Variants in ADAM2 observed in about 807,000 individuals in gnomAD.
The protein encoded by ADAM2 is disintegrin and metalloproteinase domain-containing protein 2.
Under a neutral mutation model 99.3 loss-of-function variants are expected in ADAM2, and 101 were observed. That is an observed-to-expected ratio of 1.02 (90% CI 0.87 to 1.20). The LOEUF (loss-of-function observed/expected upper bound fraction) is 1.20, where lower values mean the gene tolerates loss of function less well. ADAM2 is among the 50% of genes most tolerant of loss of function. ADAM2 has a pLI of 0.00. For synonymous variants in ADAM2, 323 were observed against 287.6 expected, an observed-to-expected ratio of 1.12 and a Z score of -1.25; for missense variants, 948 against 878.7, an observed-to-expected ratio of 1.08 and a Z score of -1.00.
intron 3 of ADAM2, among the ~76,000 whole-genome samples, chr8:39,826,734 C>A (rs552077159): frequency 2.7e-5 from 4 of 150,216 alleles, no homozygotes; most frequent in South Asian, 2.1e-4. Context: ...ACAAAAAAAC[C>A]AAAAAAAACT....
chr8:39,817,632 T>G (rs927819481), intron 6 of ADAM2, among the ~76,000 whole-genome samples: 6 of 152,104 alleles, frequency 3.9e-5, no homozygotes, highest in Non-Finnish European at 1.5e-5. Flanking sequence ...CAGTTAAACA[T>G]AAAATTGTCA....
At chr8:39,804,828 A>G (rs1242661367) in intron 7 of ADAM2, among the ~76,000 whole-genome samples, 2 of 152,170 alleles carry the variant, frequency 1.3e-5, no homozygotes, top group Admixed American at 1.3e-4. Context: ...GGTAAAGTGC[A>G]TAGCTTTACA....
At chr8:39,783,471 T>C (rs1803318700) in intron 10 of ADAM2, among the ~76,000 whole-genome samples, 1 of 152,144 alleles carries the variant, frequency 6.6e-6, no homozygotes, top group Non-Finnish European at 1.5e-5. Flanking sequence ...TATCTTCCCC[T>C]TCATCATAAT....
At chr8:39,811,332 G>A (rs1488731424) in intron 6 of ADAM2, among the ~76,000 whole-genome samples, 1 of 152,182 alleles carries the variant, frequency 6.6e-6, no homozygotes, top group Admixed American at 6.5e-5. Context: ...ATTCACAGCT[G>A]AATTCTACCA....
intron 14 of ADAM2, among the ~76,000 whole-genome samples, chr8:39,766,087 C>G (rs1222540648): frequency 1.3e-5 from 2 of 152,112 alleles, no homozygotes; most frequent in African/African-American, 4.8e-5. Flanking sequence ...ACTTCAGAGT[C>G]CCTGGATTTT....
intron 3 of ADAM2, among the ~76,000 whole-genome samples, chr8:39,826,700 G>A (rs1563383743): frequency 6.6e-6 from 1 of 150,692 alleles, no homozygotes; most frequent in Non-Finnish European, 1.5e-5. Context: ...TCCAGCCTTG[G>A]CTACAGAGCG....
chr8:39,795,871 GTACCATAA>G, intron 7 of ADAM2, among the ~76,000 whole-genome samples: 1 of 152,046 alleles, frequency 6.6e-6, no homozygotes, highest in Non-Finnish European at 1.5e-5. Context: ...ATGAAAAATT[GTACCATAA>G]AGAAACATGT....
chr8:39,787,151 T>G, intron 9 of ADAM2, 96 bp from the exon 10 acceptor site: 1 of 671,194 alleles, frequency 1.5e-6, no homozygotes, highest in Non-Finnish European at 2.4e-6. Context: ...TCATTAATAT[T>G]TACATCTAAC....
At chr8:39,782,755 C>CT (rs1016366251) in intron 10 of ADAM2, among the ~76,000 whole-genome samples, 5 of 151,816 alleles carry the variant, frequency 3.3e-5, no homozygotes, top group African/African-American at 9.7e-5. Flanking sequence ...GTTTTTTCAG[C>CT]TTTTTTTGAA....
chr8:39,802,950 G>A (rs977753091), intron 7 of ADAM2, among the ~76,000 whole-genome samples: 1 of 152,102 alleles, frequency 6.6e-6, no homozygotes, highest in Non-Finnish European at 1.5e-5. Flanking sequence ...CAATTATTGG[G>A]TACAATTTTG....
intron 12 of ADAM2, among the ~76,000 whole-genome samples, chr8:39,767,891 T>C (rs202011): frequency 0.023 from 2,703 of 116,184 alleles, 80 homozygotes; most frequent in African/African-American, 0.097. Flanking sequence ...TAAAAGACAA[T>C]GCATTCACAC....
intron 7 of ADAM2, among the ~76,000 whole-genome samples, chr8:39,797,370 GTT>G (rs948109417): frequency 1.5e-4 from 23 of 151,982 alleles, no homozygotes; most frequent in Non-Finnish European, 2.9e-4. Context: ...GATGTGTAGA[GTT>G]ATTTATGAGG....
chr8:39,820,155 C>T (rs1805116924), intron 6 of ADAM2, among the ~76,000 whole-genome samples: 1 of 152,058 alleles, frequency 6.6e-6, no homozygotes, highest in Middle Eastern at 3.2e-3. Context: ...GTCAAACTAG[C>T]AAATATAATG....
intron 7 of ADAM2, among the ~76,000 whole-genome samples, chr8:39,790,029 C>T (rs1341710351): frequency 1.3e-5 from 2 of 151,786 alleles, no homozygotes; most frequent in African/African-American, 4.8e-5. Flanking sequence ...ATTCAAAAGA[C>T]ACACATTAAC....
At position 39,744,907 on chromosome 8, in the gene ADAM2, A is replaced by G. The variant is rs949688462; in HGVS notation, c.2175-14T>C. ...CTTTCAGGTTGCCTGCATATTAAAA[A>G]TAAAAATAATATTATACTTTCTTCA... On this transcript the variant is annotated splice_polypyrimidine_tract_variant and intron_variant, in intron 19 of 20. Coordinates refer to ENST00000265708, the MANE Select transcript of ADAM2 (RefSeq NM_001464.5). 4.4e-6 allele frequency: 7 copies of G among 1,580,774 alleles called. No homozygotes were observed. The highest frequency in any genetic ancestry group is 3.5e-6 in the Non-Finnish European group (4 of 1,155,878).
chr8:39,773,309 A>C (rs1242616068), intron 11 of ADAM2, among the ~76,000 whole-genome samples: 1 of 151,876 alleles, frequency 6.6e-6, no homozygotes, highest in Non-Finnish European at 1.5e-5. Context: ...TTGTGATTAG[A>C]GAGAAATGCA....
chr8:39,795,812 T>C (rs1281914425), intron 7 of ADAM2, among the ~76,000 whole-genome samples: 1 of 152,276 alleles, frequency 6.6e-6, no homozygotes, highest in Non-Finnish European at 1.5e-5. Flanking sequence ...TGGCATCTTG[T>C]TTTTATATGG....
chr8:39,765,130 C>CT (rs1802521023), intron 14 of ADAM2, among the ~76,000 whole-genome samples: 1 of 152,182 alleles, frequency 6.6e-6, no homozygotes, highest in Admixed American at 6.5e-5. Flanking sequence ...ACTCCTTACT[C>CT]TATGATGTTT....
intron 16 of ADAM2, among the ~76,000 whole-genome samples, chr8:39,753,220 A>C (rs1802018446): frequency 6.6e-6 from 1 of 152,192 alleles, no homozygotes; most frequent in South Asian, 2.1e-4. Flanking sequence ...GAAATGAGGA[A>C]CTTCTTAGGA....
Sources: allele counts gnomAD v4.1 joint callset (sites outside exome capture counted in the v4.1 genomes callset), GRCh38; gene constraint gnomAD v4.1.1; transcripts MANE v1.5; gene names NCBI Gene and HGNC (gene_info 2026-07-23, HGNC 2026-07-21).